PARN: variants seen among roughly 807,000 people sequenced by gnomAD.
PARN encodes the protein poly(A)-specific ribonuclease PARN.
In PARN, 71 loss-of-function variants were observed where a neutral mutation model predicts 102.8. The observed-to-expected ratio is 0.69, with a 90% CI of 0.57 to 0.84. The LOEUF is 0.84. PARN is among the 40% of genes least tolerant of loss of function. The pLI is 0.00. For synonymous variants in PARN, 261 were observed against 252.9 expected (o/e 1.03, Z -0.30); for missense variants, 782 against 760.9 (o/e 1.03, Z -0.33).
rs202183611 is a variant in PARN, at chr16:14,584,494, C to CT, written c.1006-73_1006-72insA. On this transcript the variant is annotated intron_variant, in intron 15 of 23. Coordinates refer to ENST00000437198, the MANE Select transcript of PARN (RefSeq NM_002582.4). Reference sequence around the variant, plus strand: ...CAATATATTAAAGAGATTCACTGACCCCCCCAAAAAAAAGACAGCATCTAG... The same window carrying CT: ...CAATATATTAAAGAGATTCACTGACCTCCCCCAAAAAAAAGACAGCATCTAG... The CT allele has an allele frequency of 1.0e-3, 1,211 of 1,213,898 alleles. 8 individuals are homozygous for CT. The highest frequency in any genetic ancestry group is 6.8e-3 in the Middle Eastern group (35 of 5,180). The allele number at this position is 1,213,898 out of a possible 1,614,324, so 75.2% of individuals were successfully genotyped here. A position where few individuals can be genotyped will look rare whatever the true frequency, so the allele number is the denominator to read the frequency against.
rs770783306 is a variant in PARN at position 14,489,437 on chromosome 16, CAAAAAAAAA to C, written c.1481-6619_1481-6611del. On this transcript the variant is annotated intron_variant, in intron 21 of 23. Coordinates refer to ENST00000437198, the MANE Select transcript of PARN (RefSeq NM_002582.4). ...TCCAGCCTGGCGACAGAGAGAGACTCAAAAAAAAAAAAAAAAAAAAAAAAATTCTAGCTT... is the reference window on the plus strand; with the variant it reads ...TCCAGCCTGGCGACAGAGAGAGACTCAAAAAAAAAAAAAAAATTCTAGCTT... 1.4e-3 allele frequency among the ~76,000 whole-genome samples: 84 copies of C among 59,440 alleles called. 1 individual carries two copies. Among genetic ancestry groups the C allele is most frequent in the African/African-American group, 5.3e-3 (82 of 15,440 alleles). The allele number at this position is 59,440 out of a possible 152,430, so 39.0% of individuals were successfully genotyped here.
chr16:14,504,167 T>C (rs1964767642), intron 21 of PARN, among the ~76,000 whole-genome samples: 1 of 152,234 alleles, frequency 6.6e-6, no homozygotes, highest in African/African-American at 2.4e-5. Flanking sequence ...CAAGGATACG[T>C]AAATTTTTAA....
At chr16:14,442,079 C>T (rs931988078) in intron 23 of PARN, among the ~76,000 whole-genome samples, 1 of 152,300 alleles carries the variant, frequency 6.6e-6, no homozygotes, top group Middle Eastern at 3.4e-3. Context: ...CAATGTATCT[C>T]CTTTGGGCAT....
chr16:14,572,242 T>C (rs977391161), intron 18 of PARN, among the ~76,000 whole-genome samples: 7 of 152,164 alleles, frequency 4.6e-5, no homozygotes, highest in African/African-American at 1.7e-4. Flanking sequence ...ACTGCGACCC[T>C]GCACGCCATG....
intron 6 of PARN, among the ~76,000 whole-genome samples, chr16:14,611,487 G>C (rs775493041): frequency 3.3e-5 from 5 of 152,162 alleles, no homozygotes; most frequent in Admixed American, 1.3e-4. Context: ...AACAAGTCAG[G>C]AGCAATTGTC....
chr16:14,481,786 ATATG>A (rs1963398285), intron 22 of PARN, among the ~76,000 whole-genome samples: 1 of 152,204 alleles, frequency 6.6e-6, no homozygotes, highest in Non-Finnish European at 1.5e-5. Context: ...TATAATGAAC[ATATG>A]TATGTACACA....
rs140981333 is a variant in PARN, at chr16:14,523,709, C to T, written c.1480+28312G>A. Among the ~76,000 whole-genome samples the T allele has an allele frequency of 1.7e-4, 26 of 152,222 alleles. No homozygotes were observed. In the South Asian group the frequency reaches 3.7e-3, roughly 22 times the overall value. On this transcript the variant is annotated intron_variant, in intron 21 of 23. Transcript: ENST00000437198. ...GACAGAACAGCTAACCAAAGGAAAA[C>T]AAAACCTGCCTGCCTCTTTGAGCCT...
chr16:14,550,959 A>G (rs1406969052), intron 21 of PARN, among the ~76,000 whole-genome samples: 1 of 151,866 alleles, frequency 6.6e-6, no homozygotes, highest in Non-Finnish European at 1.5e-5. Context: ...ATCTTTTTAG[A>G]ATCCCCTCCT....
intron 21 of PARN, among the ~76,000 whole-genome samples, chr16:14,543,092 A>G (rs2379095): frequency 6.6e-6 from 1 of 152,228 alleles, no homozygotes; most frequent in African/African-American, 2.4e-5. Flanking sequence ...AAATTAACAC[A>G]TTATATACAG....
At chr16:14,586,641 G>A (rs1293794701) in intron 13 of PARN, among the ~76,000 whole-genome samples, 1 of 152,116 alleles carries the variant, frequency 6.6e-6, no homozygotes, top group Non-Finnish European at 1.5e-5. Flanking sequence ...GGGGCAGGGG[G>A]TCCAATAAAA....
intron 5 of PARN, among the ~76,000 whole-genome samples, chr16:14,620,117 C>T (rs1467986845): frequency 1.4e-5 from 2 of 147,422 alleles, no homozygotes; most frequent in Non-Finnish European, 3.0e-5. Flanking sequence ...GTGGCTCATG[C>T]CTGTAATCCC....
intron 23 of PARN, among the ~76,000 whole-genome samples, chr16:14,439,126 G>A (rs971349851): frequency 1.3e-5 from 2 of 152,112 alleles, no homozygotes; most frequent in African/African-American, 4.8e-5. Flanking sequence ...TGTAATCCCA[G>A]TACTTTAGGA....
At chr16:14,470,063 A>G (rs1460275814) in intron 22 of PARN, among the ~76,000 whole-genome samples, 1 of 152,246 alleles carries the variant, frequency 6.6e-6, no homozygotes, top group Non-Finnish European at 1.5e-5. Flanking sequence ...ACTTTTAATT[A>G]TGGTTATAAC....
At chr16:14,473,510 T>G (rs1021736448) in intron 22 of PARN, among the ~76,000 whole-genome samples, 2 of 152,118 alleles carry the variant, frequency 1.3e-5, no homozygotes, top group Non-Finnish European at 2.9e-5. Flanking sequence ...AAGATAAAGA[T>G]AGAGATGTAA....
At chr16:14,473,803 CCACT>C (rs1214361388) in intron 22 of PARN, among the ~76,000 whole-genome samples, 2 of 152,062 alleles carry the variant, frequency 1.3e-5, no homozygotes, top group African/African-American at 2.4e-5. Context: ...TGAGAGGCAC[CCACT>C]CAAAGTGATG....
intron 11 of PARN, among the ~76,000 whole-genome samples, chr16:14,601,340 G>A (rs1224143944): frequency 6.6e-6 from 1 of 152,182 alleles, no homozygotes. Context: ...TATGCTAAGA[G>A]AAATAAGCCA....
intron 20 of PARN, among the ~76,000 whole-genome samples, chr16:14,552,372 C>A (rs1343012969): frequency 6.6e-5 from 10 of 152,122 alleles, no homozygotes; most frequent in African/African-American, 2.4e-4. Flanking sequence ...CAGATTAAAC[C>A]CTGGGGCTTG....
In PARN at chr16:14,482,542, A is replaced by G. The variant is rs1427359299; in HGVS notation, c.1670+96T>C. On this transcript the variant is annotated intron_variant, in intron 22 of 23. Coordinates refer to ENST00000437198, the MANE Select transcript of PARN (RefSeq NM_002582.4). ...GAAAAGTTGAAAGGCCATCTTTCCCAAAAGTCAGATTTAGTACTTACAAAC... is the reference window on the plus strand; with the variant it reads ...GAAAAGTTGAAAGGCCATCTTTCCCGAAAGTCAGATTTAGTACTTACAAAC... 4 of 965,616 alleles carry G rather than the reference A, an allele frequency of 4.1e-6. No individual in the cohort carries two copies. In the African/African-American group the frequency reaches 5.0e-5, roughly 12 times the overall value. 59.8% of individuals were successfully genotyped at this position (965,616 alleles called of 1,614,324 possible).
intron 21 of PARN, among the ~76,000 whole-genome samples, chr16:14,508,404 T>A (rs957165410): frequency 5.3e-5 from 8 of 152,082 alleles, no homozygotes; most frequent in South Asian, 4.1e-4. Context: ...ATAAATTTTT[T>A]AAAAAATAAA....
Sources: allele counts gnomAD v4.1 joint callset (sites outside exome capture counted in the v4.1 genomes callset), GRCh38; gene constraint gnomAD v4.1.1; transcripts MANE v1.5; gene names NCBI Gene and HGNC (gene_info 2026-07-23, HGNC 2026-07-21).